TSC2: variants seen among roughly 807,000 people sequenced by gnomAD.
The protein encoded by TSC2 is TSC complex subunit 2, also known as tuberin.
Under a neutral mutation model 202.2 loss-of-function variants are expected in TSC2, and 29 were observed. The ratio of observed to expected loss-of-function variants is 0.14; its 90% CI spans 0.11 to 0.20. The LOEUF (loss-of-function observed/expected upper bound fraction) is 0.20, where lower values mean the gene tolerates loss of function less well. Among genes scored for constraint, TSC2 ranks in the 10% least tolerant of loss-of-function variants. The probability of loss-of-function intolerance (pLI) is 1.00; values close to 1 mark genes in which losing one functional copy is unlikely to be tolerated. For missense variants in TSC2, 2,429 were observed against 2,420.0 expected, an observed-to-expected ratio of 1.00 and a Z score of -0.08; for synonymous variants, 1,349 against 1,044.0, an observed-to-expected ratio of 1.29 and a Z score of -5.63.
Position 2,064,583 on chromosome 16 carries a change from G to A in TSC2, c.1599+156G>A, listed in dbSNP as rs963208572. The stretch of plus-strand genomic sequence containing the variant: ...GCAGGGTGGGTGTCCCGAGGCCTGT[G>A]CAGGGCCTGCCACTGCTGGATTTGT... On this transcript the variant is annotated intron_variant, in intron 15 of 41. Coordinates refer to ENST00000219476, the MANE Select transcript of TSC2 (RefSeq NM_000548.5). The A allele has an allele frequency of 4.6e-6, 5 of 1,097,286 alleles. No individual in the cohort carries two copies. In the African/African-American group the frequency reaches 7.8e-5, roughly 17 times the overall value. The allele number at this position is 1,097,286 out of a possible 1,614,324, so 68.0% of individuals were successfully genotyped here.
chr16:2,085,973 T>A (rs2090733758), intron 36 of TSC2, among the ~76,000 whole-genome samples: 1 of 151,838 alleles, frequency 6.6e-6, no homozygotes, highest in South Asian at 2.1e-4. Context: ...AGTGTGGAGC[T>A]CCCTGATTTT....
At chr16:2,053,777 T>C in intron 4 of TSC2, 1 of 546,790 alleles carries the variant, frequency 1.8e-6, no homozygotes, top group Non-Finnish European at 3.5e-6. Context: ...GTTTTGCCCT[T>C]GCACCCTTTC....
chr16:2,074,458 G>C (rs549797123), intron 22 of TSC2, 69 bp downstream of exon 22: 2 of 1,580,530 alleles, frequency 1.3e-6, no homozygotes, highest in Admixed American at 1.7e-5. Flanking sequence ...GGGCTTCTCT[G>C]GTGCCCTCTC....
intron 2 of TSC2, 81 bp downstream of exon 2, chr16:2,048,834 G>C (rs1445542724): frequency 1.3e-6 from 2 of 1,596,814 alleles, no homozygotes; most frequent in Admixed American, 3.3e-5. Flanking sequence ...AGGTTCTGTG[G>C]GAGACGGGTT....
chr16:2,072,682 C>T, intron 20 of TSC2, 167 bp from the exon 21 acceptor site: 1 of 1,139,240 alleles, frequency 8.8e-7, no homozygotes, highest in African/African-American at 1.5e-5. Flanking sequence ...TTGGCAGGCA[C>T]TCCCACCACT....
intron 8 of TSC2, 78 bp downstream of exon 8, chr16:2,056,847 G>T (rs2151083775): frequency 6.3e-7 from 1 of 1,591,306 alleles, no homozygotes. Context: ...TCCCATGAAT[G>T]GTTGTCTGAT....
chr16:2,062,606 G>A lies in TSC2; in HGVS notation c.1361+6G>A, dbSNP rs1596305980. The A allele has an allele frequency of 6.2e-7, 1 of 1,601,900 alleles. No individual in the cohort carries two copies. Among genetic ancestry groups the A allele is most frequent in the Non-Finnish European group, 8.5e-7 (1 of 1,173,858 alleles). The stretch of plus-strand genomic sequence containing the variant: ...CTGATGGAGAGATTCTTCAGGTAGG[G>A]GGTCCTCTGTAGCCTTGCCTGGCAC... On this transcript the variant is annotated splice_donor_region_variant and intron_variant, in intron 13 of 41. Transcript: ENST00000219476.
chr16:2,077,750 G>A (rs776978743), intron 26 of TSC2, 24 bp downstream of exon 26: 3 of 1,610,214 alleles, frequency 1.9e-6, no homozygotes, highest in Non-Finnish European at 2.5e-6. Context: ...CGGGTGGGGG[G>A]CACGGACCCT....
chr16:2,072,962 C>T lies in TSC2; in HGVS notation c.2334C>T (p.Asn778=). 6.2e-7 allele frequency: 1 copy of T among 1,613,592 alleles called. No individual in the cohort carries two copies. Among genetic ancestry groups the T allele is most frequent in the Non-Finnish European group, 8.5e-7 (1 of 1,180,044 alleles). ...PVLTALISYH[N]YLDKTKQREM... is the part of the protein sequence containing the mutation. ...TGACAGCATTAATCTCTTACCATAA[C>T]TACCTGGACAAAACCAAACAGGTAG... Residue 778 remains asparagine, a synonymous_variant, in exon 21 of 42, where the codon AAC becomes AAT. Coordinates refer to ENST00000219476, the MANE Select transcript of TSC2 (RefSeq NM_000548.5).
rs759350468 is a variant in TSC2 at position 2,080,239 on chromosome 16, C to G, written c.3472C>G (p.Pro1158Ala). 1.2e-6 allele frequency: 2 copies of G among 1,612,858 alleles called. No homozygotes were observed. Residue 1158 changes from proline to alanine, a missense_variant, in exon 30 of 42, where the codon CCA becomes GCA. Physicochemically the swap from Pro to Ala is conservative, Grantham distance 27. Coordinates refer to ENST00000219476, the MANE Select transcript of TSC2 (RefSeq NM_000548.5). The stretch of plus-strand genomic sequence containing the variant: ...CCTGGGCAGTGCCACTTCTCCAGGA[C>G]CACGGACTGCACCAGCCGCGAAACC... Reference protein sequence around the residue: ...QFLGSATSPGPRTAPAAKPEK... With the variant: ...QFLGSATSPGARTAPAAKPEK...
intron 32 of TSC2, 144 bp from the exon 33 acceptor site, chr16:2,083,551 T>A: frequency 7.1e-7 from 1 of 1,412,480 alleles, no homozygotes; most frequent in Non-Finnish European, 9.7e-7. Context: ...GCCCGCTCGG[T>A]GGATGGCAGC....
chr16:2,073,909 C>T (rs969947454), intron 21 of TSC2, among the ~76,000 whole-genome samples: 9 of 152,286 alleles, frequency 5.9e-5, no homozygotes, highest in Non-Finnish European at 2.9e-5. Context: ...TCAGGCAGCA[C>T]TGCCCCTTGC....
chr16:2,070,307 A>C, intron 16 of TSC2, 149 bp from the exon 17 acceptor site: 1 of 1,350,408 alleles, frequency 7.4e-7, no homozygotes, highest in Admixed American at 1.9e-5. Flanking sequence ...GTGGAGAGAG[A>C]GTCCTGGTGG....
chr16:2,067,025 A>G (rs2087479356), intron 16 of TSC2, among the ~76,000 whole-genome samples: 3 of 152,282 alleles, frequency 2.0e-5, no homozygotes, highest in Admixed American at 2.0e-4. Flanking sequence ...AGTATCGTGT[A>G]AAATATAATG....
At chr16:2,072,400 A>G in intron 20 of TSC2, 37 bp downstream of exon 20, 4 of 1,612,230 alleles carry the variant, frequency 2.5e-6, no homozygotes, top group Non-Finnish European at 3.4e-6. Context: ...TGGGGGACCC[A>G]GTAGGGTTTT....
intron 10 of TSC2, among the ~76,000 whole-genome samples, chr16:2,059,335 TCTC>T (rs1210931064): frequency 1.8e-4 from 26 of 144,798 alleles, no homozygotes; most frequent in African/African-American, 6.4e-4. Context: ...TTTTTCTCTC[TCTC>T]TTTTTTTTTT....
chr16:2,064,561 G>C (rs1320150139), intron 15 of TSC2, 134 bp downstream of exon 15: 5 of 1,410,316 alleles, frequency 3.5e-6, no homozygotes, highest in Non-Finnish European at 1.9e-6. Flanking sequence ...CCTCCCTGCA[G>C]GGTGGGTGTC....
chr16:2,071,267 T>G, intron 17 of TSC2: 1 of 577,254 alleles, frequency 1.7e-6, no homozygotes, highest in Non-Finnish European at 3.1e-6. Flanking sequence ...GGCCCAGCTG[T>G]GGTGGTGGGG....
intron 19 of TSC2, 42 bp downstream of exon 19, chr16:2,071,976 C>A (rs1172323311): frequency 6.5e-7 from 1 of 1,536,476 alleles, no homozygotes; most frequent in South Asian, 1.2e-5. Context: ...CACGTTGGGC[C>A]AGGAGGACAG....
Sources: allele counts gnomAD v4.1 joint callset (sites outside exome capture counted in the v4.1 genomes callset), GRCh38; gene constraint gnomAD v4.1.1; transcripts MANE v1.5; gene names NCBI Gene and HGNC (gene_info 2026-07-23, HGNC 2026-07-21).